The following MYOM2 variants were observed in gnomAD, a reference collection of about 807,000 sequenced individuals.
MYOM2 encodes myomesin-2.
A neutral mutation model predicts 187.6 loss-of-function variants in MYOM2; 254 were observed. The ratio of observed to expected loss-of-function variants is 1.35; its 90% CI spans 1.22 to 1.50. The LOEUF (loss-of-function observed/expected upper bound fraction) is 1.50, where lower values mean the gene tolerates loss of function less well. Among genes scored for constraint, MYOM2 ranks in the 40% most tolerant of loss-of-function variants. MYOM2 has a pLI of 0.00. For missense variants in MYOM2, 2,796 were observed against 1,924.0 expected, an observed-to-expected ratio of 1.45 and a Z score of -8.48; for synonymous variants, 981 against 753.8, an observed-to-expected ratio of 1.30 and a Z score of -4.94.
chr8:2,143,516 C>T (rs778370112), intron 36 of MYOM2, 60 bp downstream of exon 36: 5 of 1,600,990 alleles, frequency 3.1e-6, no homozygotes, highest in Admixed American at 1.7e-5. Flanking sequence ...GACGCAACCC[C>T]TTCTCTTGGG....
chr8:2,088,732 C>T (rs1052286910), intron 14 of MYOM2, among the ~76,000 whole-genome samples: 3 of 152,220 alleles, frequency 2.0e-5, no homozygotes, highest in African/African-American at 7.2e-5. Flanking sequence ...AATACAAGTG[C>T]ATGCATCTTC....
chr8:2,061,755 A>G (rs1442410893), intron 6 of MYOM2, among the ~76,000 whole-genome samples: 1 of 152,122 alleles, frequency 6.6e-6, no homozygotes, highest in Non-Finnish European at 1.5e-5. Flanking sequence ...AGGGCATCCT[A>G]CCTCATTTCT....
chr8:2,093,265 C>A (rs1425139379), intron 16 of MYOM2, among the ~76,000 whole-genome samples: 2 of 152,036 alleles, frequency 1.3e-5, no homozygotes, highest in African/African-American at 4.8e-5. Context: ...CTTCACAGCC[C>A]ACAGCAAATG....
chr8:2,098,999 C>G lies in MYOM2; in HGVS notation c.2440+16C>G, dbSNP rs756455535. On this transcript the variant is annotated intron_variant, in intron 19 of 36. Coordinates refer to ENST00000262113, the MANE Select transcript of MYOM2 (RefSeq NM_003970.4). ...CCGGAGCCCGGTGAGTCGCTGCCCC[C>G]AGGACACCCGCGTTCCAGCGCACAG... is the stretch of plus-strand genomic sequence containing the variant. 2 of 1,592,734 alleles carry G rather than the reference C, an allele frequency of 1.3e-6. No individual in the cohort carries two copies.
At position 2,123,639 on chromosome 8, in the gene MYOM2, A is replaced by T; in HGVS notation, c.3652A>T (p.Lys1218Ter). 6.2e-7 allele frequency: 1 copy of T among 1,613,976 alleles called. No individual in the cohort carries two copies. Among genetic ancestry groups the T allele is most frequent in the Non-Finnish European group, 8.5e-7 (1 of 1,179,806 alleles). Residue 1218 changes from lysine to a stop codon, truncating the protein, a stop_gained, in exon 30 of 37, where the codon AAA becomes TAA. Transcript: ENST00000262113. LOFTEE classifies it high-confidence loss of function. ...QDVSILEIAG[K>*]VYDDMILAMS... ...TGTGTCCATCCTTGAAATAGCTGGCAAAGGTAAAAGAAAACCTCCTTTGTT... is the reference window on the plus strand; with the variant it reads ...TGTGTCCATCCTTGAAATAGCTGGCTAAGGTAAAAGAAAACCTCCTTTGTT...
chr8:2,088,238 G>A (rs929572431), intron 14 of MYOM2, among the ~76,000 whole-genome samples: 1 of 152,102 alleles, frequency 6.6e-6, no homozygotes, highest in Admixed American at 6.5e-5. Context: ...AGAGTCTATT[G>A]TGTCATTCTT....
chr8:2,120,680 TTATATATAAATATATAA>T (rs1797413457), intron 28 of MYOM2, among the ~76,000 whole-genome samples: 1 of 48,300 alleles, frequency 2.1e-5, no homozygotes, highest in East Asian at 7.5e-4. Context: ...ATATATTATA[TTATATATAAATATATAA>T]TATATATATT....
In MYOM2 at chr8:2,106,457, T is replaced by G. The variant is rs775909390; in HGVS notation, c.2892-34T>G. 1.9e-6 allele frequency: 3 copies of G among 1,610,298 alleles called. No homozygotes were observed. The Admixed American group carries it at 5.0e-5, about 27-fold the overall frequency. The stretch of plus-strand genomic sequence containing the variant: ...TTTTAGAAGTTCCTGCAAACAGAAA[T>G]GATCGACATTCACCTACTCTTCTTC... On this transcript the variant is annotated intron_variant, in intron 22 of 36. Transcript: ENST00000262113.
At chr8:2,139,685 A>G (rs1262549260) in intron 32 of MYOM2, among the ~76,000 whole-genome samples, 1 of 152,156 alleles carries the variant, frequency 6.6e-6, no homozygotes, top group Non-Finnish European at 1.5e-5. Context: ...AAACAGGTCC[A>G]CATTCCAGCT....
chr8:2,092,741 G>T (rs987561807), intron 16 of MYOM2, among the ~76,000 whole-genome samples: 1 of 135,326 alleles, frequency 7.4e-6, no homozygotes, highest in African/African-American at 2.6e-5. Context: ...ATTTATGGAT[G>T]AAAGGAGAGT....
chr8:2,130,451 C>T (rs73169432), intron 32 of MYOM2, among the ~76,000 whole-genome samples: 16,607 of 151,630 alleles, frequency 0.11, 1,069 homozygotes, highest in East Asian at 0.19. Context: ...CCACACCCTG[C>T]CTTTAGATAT....
Position 2,078,930 on chromosome 8 carries a change from C to T in MYOM2, c.1459C>T (p.Gln487Ter). ...TGACCCCTTGGACCTCAGAAGGTTA[C>T]AAGGTAAGCTGCTCACGCCTAAGTA... ...ALDPLDLRRL[Q>*]AVHLEGEKEI... Residue 487 changes from glutamine (Q) to a stop codon, truncating the protein, a stop_gained, in exon 12 of 37, where the codon CAA becomes TAA. Coordinates refer to ENST00000262113, the MANE Select transcript of MYOM2 (RefSeq NM_003970.4). LOFTEE classifies it high-confidence loss of function. The T allele has an allele frequency of 1.2e-6, 2 of 1,613,678 alleles. No homozygotes were observed. Among genetic ancestry groups the T allele is most frequent in the Non-Finnish European group, 1.7e-6 (2 of 1,179,752 alleles).
chr8:2,058,132 C>A (rs1269214719), intron 5 of MYOM2, among the ~76,000 whole-genome samples: 1 of 150,490 alleles, frequency 6.6e-6, no homozygotes, highest in Non-Finnish European at 1.5e-5. Flanking sequence ...GATTCTCCTG[C>A]CTCAGCCTCC....
At chr8:2,138,620 C>G (rs190023057) in intron 32 of MYOM2, among the ~76,000 whole-genome samples, 1 of 152,380 alleles carries the variant, frequency 6.6e-6, no homozygotes, top group Admixed American at 6.5e-5. Context: ...AGTGCTCACA[C>G]TGCCCTGCCT....
At position 2,100,926 on chromosome 8, in the gene MYOM2, A is replaced by T. The variant is rs775120586; in HGVS notation, c.2491A>T (p.Met831Leu). ...FCEVRDTSLV[M>L]LWKAPVYSGS... Reference sequence around the variant, plus strand: ...TGAGGTCAGGGACACGTCCTTGGTCATGCTGTGGAAGGCCCCTGTGTACTC... The same window carrying T: ...TGAGGTCAGGGACACGTCCTTGGTCTTGCTGTGGAAGGCCCCTGTGTACTC... Residue 831 changes from methionine to leucine, a missense_variant, in exon 20 of 37, where the codon ATG becomes TTG. Physicochemically the swap from Met to Leu is conservative, Grantham distance 15. Coordinates refer to ENST00000262113, the MANE Select transcript of MYOM2 (RefSeq NM_003970.4). The T allele has an allele frequency of 1.2e-6, 2 of 1,614,192 alleles. No individual in the cohort carries two copies. The highest frequency in any genetic ancestry group is 1.1e-5 in the South Asian group (1 of 91,088).
intron 18 of MYOM2, 48 bp from the exon 19 acceptor site, chr8:2,098,809 G>A (rs751346801): frequency 3.2e-6 from 5 of 1,565,426 alleles, no homozygotes; most frequent in South Asian, 2.3e-5. Flanking sequence ...TCAGTGGGCT[G>A]TAAGGCATCC....
At chr8:2,065,526 C>T (rs930051791) in intron 6 of MYOM2, among the ~76,000 whole-genome samples, 3 of 152,146 alleles carry the variant, frequency 2.0e-5, no homozygotes, top group African/African-American at 4.8e-5. Flanking sequence ...GCCAAGATCA[C>T]GCCACTGCAC....
In MYOM2 at chr8:2,086,478, ATGATCTCTGTGTGGCCCCCCACTGTCG is replaced by A. The variant is rs1413741403; in HGVS notation, c.1644+1098_1644+1124del. 2.0e-4 allele frequency among the ~76,000 whole-genome samples: 21 copies of A among 102,812 alleles called. 1 individual carries two copies. The highest frequency in any genetic ancestry group is 6.5e-4 in the African/African-American group (13 of 19,912). The allele number at this position is 102,812 out of a possible 152,430, so 67.4% of individuals were successfully genotyped here. A position where few individuals can be genotyped will look rare whatever the true frequency, so the allele number is the denominator to read the frequency against. ...GATCTCCACGTGGCCACACACTGTC[ATGATCTCTGTGTGGCCCCCCACTGTCG>A]TGATCTCTGCGTGGCCCCACACTGT... On this transcript the variant is annotated intron_variant, in intron 14 of 36. Transcript: ENST00000262113.
intron 35 of MYOM2, among the ~76,000 whole-genome samples, chr8:2,142,847 C>T (rs1415011006): frequency 1.3e-5 from 2 of 151,404 alleles, no homozygotes; most frequent in East Asian, 1.9e-4. Context: ...CCTCTGCCTC[C>T]TGGGTTCAAG....
Sources: allele counts gnomAD v4.1 joint callset (sites outside exome capture counted in the v4.1 genomes callset), GRCh38; gene constraint gnomAD v4.1.1; transcripts MANE v1.5; gene names NCBI Gene and HGNC (gene_info 2026-07-23, HGNC 2026-07-21).